The following CTBS variants were observed in gnomAD, a reference collection of about 807,000 sequenced individuals.
The protein encoded by CTBS is chitobiase, also known as di-N-acetylchitobiase.
In CTBS, 35 loss-of-function variants were observed where a neutral mutation model predicts 44.3. The observed-to-expected ratio is 0.79, with a 90% CI of 0.60 to 1.05. The LOEUF (loss-of-function observed/expected upper bound fraction) is 1.05, where lower values mean the gene tolerates loss of function less well. Among genes scored for constraint, CTBS ranks in the 50% least tolerant of loss-of-function variants. The pLI is 0.00. For synonymous variants in CTBS, 143 were observed against 168.0 expected, an observed-to-expected ratio of 0.85 and a Z score of 1.15; for missense variants, 458 against 475.3, an observed-to-expected ratio of 0.96 and a Z score of 0.34.
chr1:84,550,508 T>C lies in CTBS; in HGVS notation c.*4491A>G. 1 of 1,554,096 alleles carries C rather than the reference T, an allele frequency of 6.4e-7. No individual in the cohort carries two copies. Among genetic ancestry groups the C allele is most frequent in the Non-Finnish European group, 8.7e-7 (1 of 1,148,098 alleles). On this transcript the variant is annotated 3_prime_UTR_variant, in exon 7 of 7. Transcript: ENST00000370630. ...AAGAGAAAACTAGATACTGACAAAA[T>C]GAAACTCATAGTAGAAGTTAAGGTA...
chr1:84,568,372 A>G (rs1450248475), intron 3 of CTBS, among the ~76,000 whole-genome samples: 4 of 152,156 alleles, frequency 2.6e-5, no homozygotes, highest in Non-Finnish European at 4.4e-5. Flanking sequence ...TATGCCAGGT[A>G]TTTGCTGTTC....
rs922833271 is a variant in CTBS at position 84,553,678 on chromosome 1, A to G, written c.*1321T>C. The G allele has an allele frequency of 3.3e-5, 5 of 152,304 alleles. No homozygotes were observed. The highest frequency in any genetic ancestry group is 4.8e-5 in the African/African-American group (2 of 41,584). 9.4% of individuals were successfully genotyped at this position (152,304 alleles called of 1,614,324 possible). A position where few individuals can be genotyped will look rare whatever the true frequency, so the allele number is the denominator to read the frequency against. ...AGACAACAGTGATCCAACATATACT[A>G]TGAAAATGGTTTTTACTCTGTCACA... On this transcript the variant is annotated 3_prime_UTR_variant, in exon 7 of 7. Coordinates refer to ENST00000370630, the MANE Select transcript of CTBS (RefSeq NM_004388.3).
chr1:84,555,421 C>CA (rs1684399006), intron 6 of CTBS, among the ~76,000 whole-genome samples: 1 of 152,144 alleles, frequency 6.6e-6, no homozygotes, highest in African/African-American at 2.4e-5. Context: ...CCCTGACTTA[C>CA]AATGGTTCAA....
intron 3 of CTBS, among the ~76,000 whole-genome samples, chr1:84,567,691 AT>A (rs1454543213): frequency 6.6e-6 from 1 of 152,074 alleles, no homozygotes; most frequent in Non-Finnish European, 1.5e-5. Flanking sequence ...TTATCTAGTC[AT>A]TTTTTGTTGG....
chr1:84,554,290 A>T lies in CTBS; in HGVS notation c.*709T>A, dbSNP rs1684361635. 1 of 152,224 alleles carries T rather than the reference A, an allele frequency of 6.6e-6. No homozygotes were observed. The highest frequency in any genetic ancestry group is 6.5e-5 in the Admixed American group (1 of 15,278). The allele number at this position is 152,224 out of a possible 1,614,324, so 9.4% of individuals were successfully genotyped here. A position where few individuals can be genotyped will look rare whatever the true frequency, so the allele number is the denominator to read the frequency against. ...AGTTATTCCTATTATTAAAAATTTT[A>T]CAAATGAGCCTCATAAAAATAATGT... On this transcript the variant is annotated 3_prime_UTR_variant, in exon 7 of 7. Coordinates refer to ENST00000370630, the MANE Select transcript of CTBS (RefSeq NM_004388.3).
chr1:84,552,008 G>A lies in CTBS; in HGVS notation c.*2991C>T, dbSNP rs1410190024. 6.6e-6 allele frequency: 1 copy of A among 151,990 alleles called. No individual in the cohort carries two copies. The highest frequency in any genetic ancestry group is 1.5e-5 in the Non-Finnish European group (1 of 67,986). 9.4% of individuals were successfully genotyped at this position (151,990 alleles called of 1,614,324 possible). A position where few individuals can be genotyped will look rare whatever the true frequency, so the allele number is the denominator to read the frequency against. The stretch of plus-strand genomic sequence containing the variant: ...AGAATTGTTCATACAAAAACAGTAA[G>A]GACAAGTGGAATAAGAGGAAAAAAA... On this transcript the variant is annotated 3_prime_UTR_variant, in exon 7 of 7. Coordinates refer to ENST00000370630, the MANE Select transcript of CTBS (RefSeq NM_004388.3).
chr1:84,561,643 A>G (rs527658230), intron 6 of CTBS, among the ~76,000 whole-genome samples: 1 of 152,278 alleles, frequency 6.6e-6, no homozygotes, highest in African/African-American at 2.4e-5. Flanking sequence ...TGACGTGGCA[A>G]ACTTCACTGT....
In CTBS at chr1:84,558,244, A is replaced by T. The variant is rs1044380734; in HGVS notation, c.958-3045T>A. Among the ~76,000 whole-genome samples the T allele has an allele frequency of 5.9e-5, 9 of 152,230 alleles. No homozygotes were observed. In the East Asian group the frequency reaches 1.7e-3, roughly 30 times the overall value. On this transcript the variant is annotated intron_variant, in intron 6 of 6. Coordinates refer to ENST00000370630, the MANE Select transcript of CTBS (RefSeq NM_004388.3). ...TTTCACAATGTATAGATATATCAAA[A>T]CATCATCTTCTACACCATAAATACA...
intron 1 of CTBS, 167 bp downstream of exon 1, chr1:84,574,072 C>G (rs747821345): frequency 8.4e-5 from 121 of 1,447,674 alleles, no homozygotes; most frequent in Non-Finnish European, 1.1e-4. Context: ...TCTCTGAGCC[C>G]GAGCTTCCTC....
intron 4 of CTBS, 63 bp from the exon 5 acceptor site, chr1:84,563,895 G>C (rs868803834): frequency 7.4e-5 from 112 of 1,518,486 alleles, no homozygotes; most frequent in Middle Eastern, 1.8e-4. Flanking sequence ...GTTCATACAA[G>C]CTATGCAACC....
At chr1:84,560,125 GAAAGAAAGGAAA>G (rs1195308922) in intron 6 of CTBS, among the ~76,000 whole-genome samples, 41 of 134,618 alleles carry the variant, frequency 3.0e-4, no homozygotes, top group African/African-American at 1.1e-3. Flanking sequence ...AAGAAAGAAA[GAAAGAAAGGAAA>G]GAAAGAAAGA....
At position 84,551,284 on chromosome 1, in the gene CTBS, G is replaced by A; in HGVS notation, c.*3715C>T. The A allele has an allele frequency of 1.0e-6, 1 of 980,648 alleles. No homozygotes were observed. 60.7% of individuals were successfully genotyped at this position (980,648 alleles called of 1,614,324 possible). A position where few individuals can be genotyped will look rare whatever the true frequency, so the allele number is the denominator to read the frequency against. On this transcript the variant is annotated 3_prime_UTR_variant, in exon 7 of 7. Coordinates refer to ENST00000370630, the MANE Select transcript of CTBS (RefSeq NM_004388.3). The stretch of plus-strand genomic sequence containing the variant: ...AAACAGCTTTATGACACAGAATAAT[G>A]ACTGCATTCTAGAATTAGCTCTTTT...
intron 3 of CTBS, 24 bp from the exon 4 acceptor site, chr1:84,566,036 T>G: frequency 6.9e-7 from 1 of 1,459,810 alleles, no homozygotes; most frequent in South Asian, 1.5e-5. Flanking sequence ...TCTTACTATT[T>G]TATGTAATAT....
At chr1:84,560,635 A>G (rs1299759611) in intron 6 of CTBS, among the ~76,000 whole-genome samples, 1 of 152,234 alleles carries the variant, frequency 6.6e-6, no homozygotes, top group Non-Finnish European at 1.5e-5. Flanking sequence ...TTTGCTAGCT[A>G]GACAGGAGAA....
Position 84,574,290 on chromosome 1 carries a change from T to C in CTBS, c.126A>G (p.Pro42=), listed in dbSNP as rs766955313. 4.4e-5 allele frequency: 69 copies of C among 1,580,600 alleles called. No individual in the cohort carries two copies. Among genetic ancestry groups the C allele is most frequent in the Non-Finnish European group, 5.3e-5 (62 of 1,166,484 alleles). The change falls in exon 1 of 7, where the codon CCA becomes CCG. Residue 42 remains proline, a synonymous_variant. Coordinates refer to ENST00000370630, the MANE Select transcript of CTBS (RefSeq NM_004388.3). The part of the protein sequence containing the change: ...ALRLAAGTDC[P]CPEPELCRPI... ...GGCGGCAGAGCTCAGGCTCCGGGCA[T>C]GGGCAGTCGGTCCCGGCCGCGAGCC...
chr1:84,563,572 A>C (rs1570471744), intron 5 of CTBS, among the ~76,000 whole-genome samples, 154 bp from the exon 6 acceptor site: 1 of 152,182 alleles, frequency 6.6e-6, no homozygotes, highest in East Asian at 1.9e-4. Context: ...TTATTAAATG[A>C]AAATGTATGA....
Position 84,554,441 on chromosome 1 carries a change from T to C in CTBS, c.*558A>G, listed in dbSNP as rs1382469698. The C allele has an allele frequency of 6.6e-6, 1 of 152,294 alleles. No individual in the cohort carries two copies. The highest frequency in any genetic ancestry group is 1.5e-5 in the Non-Finnish European group (1 of 68,128). 9.4% of individuals were successfully genotyped at this position (152,294 alleles called of 1,614,324 possible). The stretch of plus-strand genomic sequence containing the variant: ...TCTCACTCACTGTCCAAAGATTTAG[T>C]TCAAGTACCTCAGAGAACATAAATA... On this transcript the variant is annotated 3_prime_UTR_variant, in exon 7 of 7. Transcript: ENST00000370630.
intron 4 of CTBS, among the ~76,000 whole-genome samples, chr1:84,564,604 C>T (rs1684657189): frequency 6.6e-6 from 1 of 152,156 alleles, no homozygotes; most frequent in African/African-American, 2.4e-5. Flanking sequence ...GAACTTCGGC[C>T]TCATGTGATC....
chr1:84,566,062 T>A, intron 3 of CTBS, 50 bp from the exon 4 acceptor site: 1 of 1,168,064 alleles, frequency 8.6e-7, no homozygotes, highest in Admixed American at 3.0e-5. Context: ...CGTGTGCATA[T>A]TACGTCAGAT....
Sources: allele counts gnomAD v4.1 joint callset (sites outside exome capture counted in the v4.1 genomes callset), GRCh38; gene constraint gnomAD v4.1.1; transcripts MANE v1.5; gene names NCBI Gene and HGNC (gene_info 2026-07-23, HGNC 2026-07-21).